Variants in NRAP observed in about 807,000 individuals in gnomAD.
The protein encoded by NRAP is nebulin-related-anchoring protein.
NRAP carries 189 observed loss-of-function variants against 225.9 expected under a neutral mutation model. The ratio of observed to expected loss-of-function variants is 0.84; its 90% CI spans 0.74 to 0.94. The LOEUF (loss-of-function observed/expected upper bound fraction) is 0.94. Among genes scored for constraint, NRAP ranks in the 40% least tolerant of loss-of-function variants. The pLI is 0.00. For synonymous variants in NRAP, 769 were observed against 790.7 expected, an observed-to-expected ratio of 0.97 and a Z score of 0.46; for missense variants, 2,176 against 2,168.7, an observed-to-expected ratio of 1.00 and a Z score of -0.07.
intron 17 of NRAP, 56 bp downstream of exon 17, chr10:113,631,801 G>A: frequency 8.9e-7 from 1 of 1,124,842 alleles, no homozygotes; most frequent in Non-Finnish European, 1.4e-6. Context: ...CAGGACCACT[G>A]ACATTTTATT....
At chr10:113,658,355 C>G (rs1850441603) in intron 3 of NRAP, among the ~76,000 whole-genome samples, 1 of 152,132 alleles carries the variant, frequency 6.6e-6, no homozygotes, top group Non-Finnish European at 1.5e-5. Flanking sequence ...TATATTCGTT[C>G]AGAATCAGTC....
intron 10 of NRAP, among the ~76,000 whole-genome samples, chr10:113,646,482 T>C (rs1849515954): frequency 6.6e-6 from 1 of 152,246 alleles, no homozygotes; most frequent in South Asian, 2.1e-4. Context: ...AGTGAGCATG[T>C]CACTTTTCCA....
At chr10:113,635,307 C>G (rs377752071) in intron 14 of NRAP, among the ~76,000 whole-genome samples, 3 of 152,144 alleles carry the variant, frequency 2.0e-5, no homozygotes, top group African/African-American at 7.2e-5. Context: ...GGCGATAAGG[C>G]GTGAGGCACT....
At position 113,589,647 on chromosome 10, in the gene NRAP, T is replaced by A. The variant is rs1845829652; in HGVS notation, c.5088+19A>T. 6.2e-7 allele frequency: 1 copy of A among 1,608,736 alleles called. No homozygotes were observed. The highest frequency in any genetic ancestry group is 1.3e-5 in the African/African-American group (1 of 74,602). On this transcript the variant is annotated intron_variant, in intron 41 of 41. Coordinates refer to ENST00000359988, the MANE Select transcript of NRAP (RefSeq NM_198060.4). ...CATGGCCTTGCAAGCCAGGGGTGGC[T>A]TTGCAGCTTGCTACTCACGTAAGCT...
Position 113,663,915 on chromosome 10 carries a change from C to T in NRAP, c.-33G>A, listed in dbSNP as rs752583244. On this transcript the variant is annotated 5_prime_UTR_variant, in exon 1 of 42. Transcript: ENST00000359988. ...CCGGAAGAGAGAGGACAAAGATAGGCAACAGGCAAGAAATGCAAGGAGAAC... is the reference window on the plus strand; with the variant it reads ...CCGGAAGAGAGAGGACAAAGATAGGTAACAGGCAAGAAATGCAAGGAGAAC... The T allele has an allele frequency of 5.1e-6, 8 of 1,554,712 alleles. No individual in the cohort carries two copies. Among genetic ancestry groups the T allele is most frequent in the African/African-American group, 2.7e-5 (2 of 73,552 alleles).
intron 17 of NRAP, 47 bp downstream of exon 17, chr10:113,631,810 T>C (rs779712696): frequency 1.2e-5 from 15 of 1,213,476 alleles, no homozygotes; most frequent in Non-Finnish European, 1.7e-5. Flanking sequence ...TGACATTTTA[T>C]TGGAACCATT....
At chr10:113,611,135 C>T (rs747379351) in intron 30 of NRAP, among the ~76,000 whole-genome samples, 1 of 152,142 alleles carries the variant, frequency 6.6e-6, no homozygotes, top group Non-Finnish European at 1.5e-5. Context: ...GCCCCCTGGG[C>T]GTCCTGCCTT....
At chr10:113,595,077 G>A (rs1846214201) in intron 38 of NRAP, among the ~76,000 whole-genome samples, 1 of 152,248 alleles carries the variant, frequency 6.6e-6, no homozygotes, top group East Asian at 1.9e-4. Context: ...TTAGGAAACA[G>A]TAGCTTGGTT....
intron 11 of NRAP, among the ~76,000 whole-genome samples, chr10:113,644,461 T>G (rs999676436): frequency 6.6e-6 from 1 of 152,206 alleles, no homozygotes; most frequent in Non-Finnish European, 1.5e-5. Flanking sequence ...CCCTTGTAGC[T>G]CCAAAGCAGC....
chr10:113,632,074 C>T (rs1848612362), intron 16 of NRAP, 110 bp from the exon 17 acceptor site: 3 of 710,242 alleles, frequency 4.2e-6, no homozygotes, highest in Non-Finnish European at 7.6e-6. Context: ...AGACCAGAGG[C>T]TCGGCTGTTG....
intron 41 of NRAP, 53 bp from the exon 42 acceptor site, chr10:113,589,132 CCCGGCCCCGGTT>C: frequency 6.8e-7 from 1 of 1,469,568 alleles, no homozygotes; most frequent in Admixed American, 1.7e-5. Context: ...CACCCCCACT[CCCGGCCCCGGTT>C]CCCACAGGAC....
In NRAP at chr10:113,642,916, T is replaced by G. The variant is rs779021641; in HGVS notation, c.1215+18A>C. ...TCACCAACAGTGCCCAAACAAAAGC[T>G]TAGCGTTAACAACTCACATCACTGG... On this transcript the variant is annotated intron_variant, in intron 12 of 41. Transcript: ENST00000359988. The G allele has an allele frequency of 4.9e-5, 67 of 1,367,464 alleles. No individual in the cohort carries two copies. Among genetic ancestry groups the G allele is most frequent in the Non-Finnish European group, 6.8e-5 (65 of 955,066 alleles). The allele number at this position is 1,367,464 out of a possible 1,614,324, so 84.7% of individuals were successfully genotyped here.
At chr10:113,646,798 A>G (rs1355153791) in intron 10 of NRAP, 125 bp downstream of exon 10, 3 of 719,748 alleles carry the variant, frequency 4.2e-6, no homozygotes, top group Non-Finnish European at 7.5e-6. Flanking sequence ...ATGGGAGTTG[A>G]GGGCTAACAT....
chr10:113,651,286 A>G (rs2134162762), intron 7 of NRAP, among the ~76,000 whole-genome samples: 1 of 152,294 alleles, frequency 6.6e-6, no homozygotes, highest in South Asian at 2.1e-4. Flanking sequence ...AGGGATCTTA[A>G]GTGCAAACCA....
At position 113,663,920 on chromosome 10, in the gene NRAP, G is replaced by C. The variant is rs2134237905; in HGVS notation, c.-38C>G. 1 of 1,507,884 alleles carries C rather than the reference G, an allele frequency of 6.6e-7. No individual in the cohort carries two copies. Among genetic ancestry groups the C allele is most frequent in the South Asian group, 1.1e-5 (1 of 88,888 alleles). 93.4% of individuals were successfully genotyped at this position (1,507,884 alleles called of 1,614,324 possible). A position where few individuals can be genotyped will look rare whatever the true frequency, so the allele number is the denominator to read the frequency against. ...AGAGAGAGGACAAAGATAGGCAACAGGCAAGAAATGCAAGGAGAACCCCCA... is the reference window on the plus strand; with the variant it reads ...AGAGAGAGGACAAAGATAGGCAACACGCAAGAAATGCAAGGAGAACCCCCA... On this transcript the variant is annotated 5_prime_UTR_variant, in exon 1 of 42. Coordinates refer to ENST00000359988, the MANE Select transcript of NRAP (RefSeq NM_198060.4).
In NRAP at chr10:113,628,984, A is replaced by T. The variant is rs374679989; in HGVS notation, c.2078T>A (p.Val693Asp). 4.3e-6 allele frequency: 7 copies of T among 1,613,718 alleles called. No individual in the cohort carries two copies. The African/African-American group carries it at 5.3e-5, about 12-fold the overall frequency. The change falls in exon 20 of 42, where the codon GTT (valine) becomes GAT (aspartate). Residue 693 changes from valine to aspartate, a missense_variant. Val to Asp is a radical substitution (Grantham distance 152). This residue lies in a region of NRAP where 1,708 missense variants were observed against 1,695.5 expected (regional missense o/e 1.01). Transcript: ENST00000359988. The stretch of plus-strand genomic sequence containing the variant: ...GAGACTCCCCTCTGTCAGCCACCCA[A>T]CTCCCTTCATCCATGCCAGGTCAGC... The part of the protein sequence containing the change: ...YKADLAWMKG[V>D]GWLTEGSLNL...
rs1321378016 is a variant in NRAP, at chr10:113,649,903, G to GA, written c.888+133dup. On this transcript the variant is annotated intron_variant, in intron 9 of 41. Coordinates refer to ENST00000359988, the MANE Select transcript of NRAP (RefSeq NM_198060.4). ...TGTTTGTCCACTACTTTCTATCTTG[G>GA]AAAATCTACCTTTCATAAAAAAGGT... is the stretch of plus-strand genomic sequence containing the variant. The GA allele has an allele frequency of 2.3e-5, 14 of 615,042 alleles. 1 individual carries two copies. The highest frequency in any genetic ancestry group is 3.8e-5 in the Non-Finnish European group (13 of 343,906). The allele number at this position is 615,042 out of a possible 1,614,324, so 38.1% of individuals were successfully genotyped here.
intron 27 of NRAP, 65 bp downstream of exon 27, chr10:113,615,647 G>A (rs1847609634): frequency 2.4e-6 from 2 of 848,480 alleles, no homozygotes; most frequent in African/African-American, 1.7e-5. Flanking sequence ...AGGGCATTGT[G>A]TGCCTGCCCA....
chr10:113,629,127 A>G, intron 19 of NRAP, 106 bp from the exon 20 acceptor site: 1 of 822,636 alleles, frequency 1.2e-6, no homozygotes, highest in Non-Finnish European at 2.1e-6. Context: ...CCTTCCTAGA[A>G]GAACTGCTCC....
Sources: allele counts gnomAD v4.1 joint callset (sites outside exome capture counted in the v4.1 genomes callset), GRCh38; gene constraint gnomAD v4.1.1; regional missense constraint gnomAD v4.1.1; transcripts MANE v1.5; gene names NCBI Gene and HGNC (gene_info 2026-07-23, HGNC 2026-07-21).